The following KDM4A variants were observed in gnomAD, a reference collection of about 807,000 sequenced individuals.
KDM4A encodes the protein lysine demethylase 4A.
A neutral mutation model predicts 127.1 loss-of-function variants in KDM4A; 23 were observed. The ratio of observed to expected loss-of-function variants is 0.18; its 90% CI spans 0.13 to 0.26. KDM4A has a LOEUF of 0.26. Among genes scored for constraint, KDM4A ranks in the 10% least tolerant of loss-of-function variants. The pLI, the probability that KDM4A is intolerant of heterozygous loss-of-function variation, is 1.00. For missense variants in KDM4A, 890 were observed against 1,329.1 expected (o/e 0.67, Z 5.14); for synonymous variants, 443 against 466.5 (o/e 0.95, Z 0.65).
intron 14 of KDM4A, 121 bp downstream of exon 14, chr1:43,691,170 C>G: frequency 1.0e-6 from 1 of 971,488 alleles, no homozygotes; most frequent in South Asian, 1.4e-5. Context: ...ATTGGGGAGT[C>G]TGTTGCTAGC....
rs1049676568 is a variant in KDM4A at position 43,705,415 on chromosome 1, A to G, written c.*1045A>G. On this transcript the variant is annotated 3_prime_UTR_variant, in exon 22 of 22. Transcript: ENST00000372396. Reference sequence around the variant, plus strand: ...CCCTGTGTATACAAGAATCAGATTTATAATACTTCCCCTTTTTTGTTACGT... The same window carrying G: ...CCCTGTGTATACAAGAATCAGATTTGTAATACTTCCCCTTTTTTGTTACGT... 1 of 152,636 alleles carries G rather than the reference A, an allele frequency of 6.6e-6. No homozygotes were observed. Among genetic ancestry groups the G allele is most frequent in the African/African-American group, 2.4e-5 (1 of 41,454 alleles). 9.5% of individuals were successfully genotyped at this position (152,636 alleles called of 1,614,324 possible).
chr1:43,692,716 GACCTGCTGT>G, intron 16 of KDM4A, among the ~76,000 whole-genome samples: 1 of 152,200 alleles, frequency 6.6e-6, no homozygotes, highest in East Asian at 1.9e-4. Context: ...CCCTGGCTCA[GACCTGCTGT>G]TTGGAATGAG....
At chr1:43,653,518 C>CT (rs1660167085) in intron 2 of KDM4A, 1 of 417,026 alleles carries the variant, frequency 2.4e-6, no homozygotes. Flanking sequence ...TACTTGGAAT[C>CT]TTCAGAAAGG....
rs553489234 is a variant in KDM4A at position 43,672,422 on chromosome 1, C to T, written c.1734+547C>T. Among the ~76,000 whole-genome samples the T allele has an allele frequency of 7.9e-5, 12 of 152,052 alleles. No homozygotes were observed. The South Asian group carries it at 2.1e-3, about 26-fold the overall frequency. On this transcript the variant is annotated intron_variant, in intron 11 of 21. Coordinates refer to ENST00000372396, the MANE Select transcript of KDM4A (RefSeq NM_014663.3). ...CAGGCTGGTCTGGAACTCCTGACCT[C>T]GTGATCTGCCCACCTCAGCCTCCCA...
Position 43,674,419 on chromosome 1 carries a change from C to T in KDM4A, c.1734+2544C>T, listed in dbSNP as rs781733579. 3.3e-5 allele frequency among the ~76,000 whole-genome samples: 5 copies of T among 152,024 alleles called. No homozygotes were observed. In the East Asian group the frequency reaches 7.7e-4, roughly 23 times the overall value. On this transcript the variant is annotated intron_variant, in intron 11 of 21. Coordinates refer to ENST00000372396, the MANE Select transcript of KDM4A (RefSeq NM_014663.3). ...ATTCGGAACTATTTAATTGATGATA[C>T]AAGAGTCAGGCATATGGAGCTCAGA...
rs115622002 is a variant in KDM4A at position 43,680,523 on chromosome 1, C to T, written c.1735-3161C>T. Among the ~76,000 whole-genome samples, 448 of 152,308 alleles carry T rather than the reference C, an allele frequency of 2.9e-3. 1 individual carries two copies. The highest frequency in any genetic ancestry group is 0.01 in the African/African-American group (421 of 41,564). On this transcript the variant is annotated intron_variant, in intron 11 of 21. Transcript: ENST00000372396. Reference sequence around the variant, plus strand: ...AAACACAGAGGCTGAAACACTTGTTCTCTTATGGTTCTTCAGTTCAGAAGT... The same window carrying T: ...AAACACAGAGGCTGAAACACTTGTTTTCTTATGGTTCTTCAGTTCAGAAGT...
intron 11 of KDM4A, among the ~76,000 whole-genome samples, chr1:43,672,881 G>A (rs547951369): frequency 1.3e-5 from 2 of 152,296 alleles, no homozygotes; most frequent in South Asian, 4.1e-4. Context: ...TGGAGCCCAC[G>A]TGTTTGGAGG....
Position 43,693,944 on chromosome 1 carries a change from A to C in KDM4A, c.2376-50A>C. Reference sequence around the variant, plus strand: ...GTCAGCAGGCCCAAAAGAGAAGGCCACAGAGCCTTGGGCCCAGAGGTGACT... The same window carrying C: ...GTCAGCAGGCCCAAAAGAGAAGGCCCCAGAGCCTTGGGCCCAGAGGTGACT... On this transcript the variant is annotated intron_variant, in intron 16 of 21. Transcript: ENST00000372396. This position sits in a 1 kb window ranked among gnomAD's most constrained non-coding sequence, Gnocchi z 4.2. The C allele has an allele frequency of 6.6e-7, 1 of 1,518,756 alleles. No homozygotes were observed. The highest frequency in any genetic ancestry group is 9.1e-7 in the Non-Finnish European group (1 of 1,095,046). 94.1% of individuals were successfully genotyped at this position (1,518,756 alleles called of 1,614,324 possible). A position where few individuals can be genotyped will look rare whatever the true frequency, so the allele number is the denominator to read the frequency against.
At chr1:43,669,999 G>A (rs1660582600) in intron 10 of KDM4A, among the ~76,000 whole-genome samples, 1 of 152,210 alleles carries the variant, frequency 6.6e-6, no homozygotes, top group South Asian at 2.1e-4. Context: ...GGGGGAACTG[G>A]TGGGGAGTTT....
At chr1:43,703,929 T>A in intron 20 of KDM4A, 91 bp from the exon 21 acceptor site, 2 of 1,338,502 alleles carry the variant, frequency 1.5e-6, no homozygotes, top group Non-Finnish European at 2.1e-6. Flanking sequence ...TCTAACTCCT[T>A]CCTTTGACTG....
intron 9 of KDM4A, among the ~76,000 whole-genome samples, chr1:43,668,772 C>G (rs1435721683): frequency 6.6e-6 from 1 of 152,174 alleles, no homozygotes; most frequent in Non-Finnish European, 1.5e-5. Context: ...GAGAATTTAT[C>G]CTGGGCCATA....
intron 3 of KDM4A, among the ~76,000 whole-genome samples, chr1:43,657,326 C>T (rs937917234): frequency 6.6e-6 from 1 of 152,034 alleles, no homozygotes; most frequent in Non-Finnish European, 1.5e-5. Flanking sequence ...CCTCAGTCTC[C>T]TGAGCAGCTG....
intron 20 of KDM4A, 95 bp from the exon 21 acceptor site, chr1:43,703,925 T>A (rs759134948): frequency 6.0e-6 from 8 of 1,328,988 alleles, no homozygotes; most frequent in Non-Finnish European, 8.6e-6. Context: ...GTGTTCTAAC[T>A]CCTTCCTTTG....
At chr1:43,701,009 A>G (rs1316864684) in intron 19 of KDM4A, among the ~76,000 whole-genome samples, 1 of 149,066 alleles carries the variant, frequency 6.7e-6, no homozygotes, top group Non-Finnish European at 1.5e-5. Flanking sequence ...TGCAACCTCC[A>G]CCTACCGGGT....
intron 5 of KDM4A, 92 bp from the exon 6 acceptor site, chr1:43,665,604 T>C (rs1375674067): frequency 1.7e-6 from 2 of 1,145,696 alleles, no homozygotes; most frequent in Non-Finnish European, 2.6e-6. Context: ...AAAAAAAATC[T>C]GCTATTTCAA....
chr1:43,661,383 T>G (rs1660372291), intron 4 of KDM4A, among the ~76,000 whole-genome samples: 1 of 151,256 alleles, frequency 6.6e-6, no homozygotes, highest in South Asian at 2.1e-4. Context: ...CTGAGGTGGA[T>G]GGATCAGGAG....
At chr1:43,652,317 C>T (rs1159463268) in intron 1 of KDM4A, among the ~76,000 whole-genome samples, 1 of 151,986 alleles carries the variant, frequency 6.6e-6, no homozygotes, top group African/African-American at 2.4e-5. Context: ...TTAGGACCAA[C>T]AACTAAATAA....
At chr1:43,695,193 ATTAC>A (rs933227712) in intron 18 of KDM4A, among the ~76,000 whole-genome samples, 6 of 152,110 alleles carry the variant, frequency 3.9e-5, no homozygotes, top group Non-Finnish European at 2.9e-5. Flanking sequence ...GGTCATCCTT[ATTAC>A]TTAACCTAGT....
At chr1:43,699,446 A>G (rs1321770471) in intron 19 of KDM4A, among the ~76,000 whole-genome samples, 1 of 152,088 alleles carries the variant, frequency 6.6e-6, no homozygotes, top group Non-Finnish European at 1.5e-5. Flanking sequence ...CACTATGCTA[A>G]GTGGTTATTT....
Sources: gnomAD v4.1 joint callset for allele counts (sites outside exome capture counted in the v4.1 genomes callset) on GRCh38, gnomAD v4.1.1 for gene constraint, Gnocchi (gnomAD v3.1) non-coding constraint, MANE v1.5 for transcripts, NCBI Gene and HGNC (gene_info 2026-07-23, HGNC 2026-07-21) for gene names.